SLC52A2: variants seen among roughly 807,000 people sequenced by gnomAD.
SLC52A2 encodes solute carrier family 52, riboflavin transporter, member 2.
Under a neutral mutation model 24.8 loss-of-function variants are expected in SLC52A2, and 16 were observed. The ratio of observed to expected loss-of-function variants is 0.64; its 90% CI spans 0.44 to 0.98. The LOEUF is 0.98. Ranked by LOEUF, SLC52A2 falls within the 50% of genes least tolerant of loss-of-function variation. The probability of loss-of-function intolerance (pLI) is 0.00; values close to 1 mark genes in which losing one functional copy is unlikely to be tolerated. For missense variants in SLC52A2, 612 were observed against 575.9 expected (o/e 1.06, Z -0.64); for synonymous variants, 335 against 276.3 (o/e 1.21, Z -2.11).
rs373392657 is a variant in SLC52A2 at position 144,359,474 on chromosome 8, G to C, written c.130+51G>C. On this transcript the variant is annotated intron_variant, in intron 2 of 4. Transcript: ENST00000643944. ...GCCCAAGACTCCTGGGCTGCGGTCA[G>C]TGGGATCTGGGTGGAGCTACCTGTG... The C allele has an allele frequency of 2.5e-6, 4 of 1,612,844 alleles. No individual in the cohort carries two copies. In the African/African-American group the frequency reaches 5.3e-5, roughly 22 times the overall value.
Position 144,360,732 on chromosome 8 carries a change from G to A in SLC52A2, c.1125+19G>A, listed in dbSNP as rs1554854520. ...CCTCGTGGTGAGCACAGGGGGACAT[G>A]AAGTGGGGTGGGGGGGCGTTGCCCT... On this transcript the variant is annotated intron_variant, in intron 4 of 4. Coordinates refer to ENST00000643944, the MANE Select transcript of SLC52A2 (RefSeq NM_001363118.2). 2 of 1,597,534 alleles carry A rather than the reference G, an allele frequency of 1.3e-6. No individual in the cohort carries two copies. The highest frequency in any genetic ancestry group is 2.2e-5 in the South Asian group (2 of 90,272).
In SLC52A2 at chr8:144,359,863, C is replaced by T. The variant is rs200753132; in HGVS notation, c.371C>T (p.Ala124Val). Residue 124 changes from alanine (A) to valine (V), a missense_variant, in exon 3 of 5, where the codon GCA becomes GTA. Ala to Val is a moderately conservative substitution (Grantham distance 64, BLOSUM62 0). Coordinates refer to ENST00000643944, the MANE Select transcript of SLC52A2 (RefSeq NM_001363118.2). ...GCACTGGCCTTTGTGCTGGCACTGG[C>T]ATGCTGTGCCTCGAATGTCACTTTC... ...FLALAFVLALACCASNVTFLP... is the reference protein window; with the variant it reads ...FLALAFVLALVCCASNVTFLP... 5.6e-6 allele frequency: 9 copies of T among 1,613,760 alleles called. No homozygotes were observed. In the Admixed American group the frequency reaches 1.0e-4, roughly 18 times the overall value.
intron 3 of SLC52A2, 45 bp from the exon 4 acceptor site, chr8:144,360,545 A>T (rs1818804935): frequency 2.5e-6 from 4 of 1,580,922 alleles, no homozygotes; most frequent in Non-Finnish European, 3.4e-6. Flanking sequence ...GCTAGGAGCC[A>T]GGTCCTGGCG....
rs1554853706 is a variant in SLC52A2 at position 144,359,249 on chromosome 8, G to C, written c.-45G>C. On this transcript the variant is annotated 5_prime_UTR_variant, in exon 2 of 5. Transcript: ENST00000643944. ...CTGGCCCTAGGTGGGAAAAGAACTG[G>C]CTGTGACCTTTGCCCTGACCTGGAA... is the stretch of plus-strand genomic sequence containing the variant. 1 of 1,577,382 alleles carries C rather than the reference G, an allele frequency of 6.3e-7. No individual in the cohort carries two copies. Among genetic ancestry groups the C allele is most frequent in the South Asian group, 1.2e-5 (1 of 84,990 alleles).
Position 144,359,797 on chromosome 8 carries a change from T to C in SLC52A2, c.305T>C (p.Val102Ala). 6.2e-7 allele frequency: 1 copy of C among 1,613,730 alleles called. No homozygotes were observed. The change falls in exon 3 of 5, where the codon GTG (valine) becomes GCG (alanine). Residue 102 changes from valine to alanine, a missense_variant. Physicochemically the swap from Val to Ala is moderately conservative, Grantham distance 64. Transcript: ENST00000643944. ...TALLASLWHHVAPVAGQLHSV... is the reference protein window; with the variant it reads ...TALLASLWHHAAPVAGQLHSV... ...CTGCTGGCCTCTCTGTGGCACCATG[T>C]GGCCCCAGTGGCAGGACAGTTGCAT...
rs1554853885 is a variant in SLC52A2 at position 144,359,738 on chromosome 8, G to A, written c.246G>A (p.Arg82=). 31 of 1,613,494 alleles carry A rather than the reference G, an allele frequency of 1.9e-5. No homozygotes were observed. The highest frequency in any genetic ancestry group is 2.5e-5 in the Non-Finnish European group (30 of 1,180,028). Residue 82 remains arginine, a synonymous_variant, in exon 3 of 5, where the codon CGG becomes CGA. Coordinates refer to ENST00000643944, the MANE Select transcript of SLC52A2 (RefSeq NM_001363118.2). ...APGKDEQVPI[R]VVQVLGMVGT... is the part of the protein sequence containing the mutation. ...GAAAGGACGAGCAGGTCCCCATCCG[G>A]GTGGTGCAGGTGCTGGGCATGGTGG...
chr8:144,360,971 G>A lies in SLC52A2; in HGVS notation c.1294G>A (p.Val432Met), dbSNP rs202178971. 17 of 1,613,534 alleles carry A rather than the reference G, an allele frequency of 1.1e-5. No individual in the cohort carries two copies. The East Asian group carries it at 1.1e-4, about 11-fold the overall frequency. ...GTTCCCCCCGACCAGCATCTATCAC[G>A]TGTTCCACAGCAGAAAGGACTGTGC... is the stretch of plus-strand genomic sequence containing the variant. ...AMFPPTSIYHVFHSRKDCADP... is the reference protein window; with the variant it reads ...AMFPPTSIYHMFHSRKDCADP... The change falls in exon 5 of 5, where the codon GTG becomes ATG. Residue 432 changes from valine to methionine, a missense_variant. Coordinates refer to ENST00000643944, the MANE Select transcript of SLC52A2 (RefSeq NM_001363118.2).
rs398123068 is a variant in SLC52A2 at position 144,360,406 on chromosome 8, A to G, written c.914A>G (p.Tyr305Cys). 1.2e-5 allele frequency: 20 copies of G among 1,607,238 alleles called. No homozygotes were observed. The highest frequency in any genetic ancestry group is 1.7e-5 in the Non-Finnish European group (20 of 1,179,952). Reference protein sequence around the residue: ...PAVQSFSCLPYGRLAYHLAVV... With the variant: ...PAVQSFSCLPCGRLAYHLAVV... ...GTGCAGAGCTTTTCCTGCTTACCCT[A>G]CGGGCGTCTGGCCTACCACCTGGCT... The change falls in exon 3 of 5, where the codon TAC becomes TGC. Residue 305 changes from tyrosine (Y) to cysteine (C), a missense_variant. Tyr to Cys is a radical substitution (Grantham distance 194). Transcript: ENST00000643944.
At position 144,359,029 on chromosome 8, in the gene SLC52A2, G is replaced by A. The variant is rs1818631236; in HGVS notation, c.-147G>A. The A allele has an allele frequency of 4.8e-6, 2 of 418,256 alleles. No individual in the cohort carries two copies. Among genetic ancestry groups the A allele is most frequent in the Non-Finnish European group, 8.4e-6 (2 of 238,382 alleles). The allele number at this position is 418,256 out of a possible 1,614,324, so 25.9% of individuals were successfully genotyped here. On this transcript the variant is annotated 5_prime_UTR_variant, in exon 1 of 5. Coordinates refer to ENST00000643944, the MANE Select transcript of SLC52A2 (RefSeq NM_001363118.2). ...CCCTGGGGCCGCAGCGACTCGGGCCGGCTTCCTGCTTCCCTGCCTGCCGGC... is the reference window on the plus strand; with the variant it reads ...CCCTGGGGCCGCAGCGACTCGGGCCAGCTTCCTGCTTCCCTGCCTGCCGGC...
chr8:144,359,069 C>T lies in SLC52A2; in HGVS notation c.-111+4C>T. The T allele has an allele frequency of 1.7e-6, 1 of 574,322 alleles. No individual in the cohort carries two copies. Among genetic ancestry groups the T allele is most frequent in the Middle Eastern group, 4.7e-4 (1 of 2,146 alleles). 35.6% of individuals were successfully genotyped at this position (574,322 alleles called of 1,614,324 possible). A position where few individuals can be genotyped will look rare whatever the true frequency, so the allele number is the denominator to read the frequency against. ...TGCCTGCCGGCGGTCCCGCTGGGTA[C>T]GTTTTAGCCAATCCTCCCCATCTGC... On this transcript the variant is annotated splice_donor_region_variant and intron_variant, in intron 1 of 4. Transcript: ENST00000643944.
In SLC52A2 at chr8:144,359,165, T is replaced by G; in HGVS notation, c.-110-19T>G. 4.3e-6 allele frequency: 6 copies of G among 1,395,482 alleles called. No individual in the cohort carries two copies. The highest frequency in any genetic ancestry group is 5.8e-6 in the Non-Finnish European group (6 of 1,039,146). 86.4% of individuals were successfully genotyped at this position (1,395,482 alleles called of 1,614,324 possible). A position where few individuals can be genotyped will look rare whatever the true frequency, so the allele number is the denominator to read the frequency against. On this transcript the variant is annotated intron_variant, in intron 1 of 4. Coordinates refer to ENST00000643944, the MANE Select transcript of SLC52A2 (RefSeq NM_001363118.2). Reference sequence around the variant, plus strand: ...TGACTCCGGCTCTGCATCCTATCTGTTTCTCTGTTTCTTTCAAGCTAGAAG... The same window carrying G: ...TGACTCCGGCTCTGCATCCTATCTGGTTCTCTGTTTCTTTCAAGCTAGAAG...
chr8:144,359,518 G>A (rs1554853802), intron 2 of SLC52A2, 95 bp downstream of exon 2: 1 of 1,611,906 alleles, frequency 6.2e-7, no homozygotes, highest in African/African-American at 1.3e-5. Context: ...AGAGCTTCCA[G>A]AGGGTGAGTG....
In SLC52A2 at chr8:144,359,846, C is replaced by G; in HGVS notation, c.354C>G (p.Ala118=). Residue 118 remains alanine (A), a synonymous_variant, in exon 3 of 5, where the codon GCC becomes GCG. Coordinates refer to ENST00000643944, the MANE Select transcript of SLC52A2 (RefSeq NM_001363118.2). ...QLHSVAFLAL[A]FVLALACCAS... is the part of the protein sequence containing the mutation. ...ATTCTGTGGCCTTCTTAGCACTGGC[C>G]TTTGTGCTGGCACTGGCATGCTGTG... is the stretch of plus-strand genomic sequence containing the variant. The G allele has an allele frequency of 6.2e-7, 1 of 1,613,694 alleles. No individual in the cohort carries two copies. Among genetic ancestry groups the G allele is most frequent in the Non-Finnish European group, 8.5e-7 (1 of 1,180,014 alleles).
Position 144,360,695 on chromosome 8 carries a change from G to A in SLC52A2, c.1107G>A (p.Ser369=), listed in dbSNP as rs1279173611. 7 of 1,603,676 alleles carry A rather than the reference G, an allele frequency of 4.4e-6. No homozygotes were observed. The highest frequency in any genetic ancestry group is 2.2e-5 in the East Asian group (1 of 44,826). Residue 369 remains serine, a synonymous_variant, in exon 4 of 5, where the codon TCG becomes TCA. Transcript: ENST00000643944. The part of the protein sequence containing the change: ...LSPCPPLVGT[S]AGVVLVVLSW... Reference sequence around the variant, plus strand: ...CCTGCCCGCCCCTGGTGGGCACCTCGGCGGGGGTGGTCCTCGTGGTGAGCA... The same window carrying A: ...CCTGCCCGCCCCTGGTGGGCACCTCAGCGGGGGTGGTCCTCGTGGTGAGCA...
At position 144,360,201 on chromosome 8, in the gene SLC52A2, G is replaced by C. The variant is rs373923619; in HGVS notation, c.709G>C (p.Ala237Pro). Residue 237 changes from alanine to proline, a missense_variant, in exon 3 of 5, where the codon GCC becomes CCC. Coordinates refer to ENST00000643944, the MANE Select transcript of SLC52A2 (RefSeq NM_001363118.2). Reference protein sequence around the residue: ...GELGSGLQVGAPGAEEEVEES... With the variant: ...GELGSGLQVGPPGAEEEVEES... ...GTTAGGATCAGGCCTCCAGGTGGGA[G>C]CCCCAGGAGCAGAGGAAGAGGTGGA... 17 of 1,612,668 alleles carry C rather than the reference G, an allele frequency of 1.1e-5. No individual in the cohort carries two copies. The African/African-American group carries it at 2.3e-4, about 22-fold the overall frequency.
Position 144,361,249 on chromosome 8 carries a change from G to C in SLC52A2, c.*234G>C. ...TGAGCCTGGGACCTACATGTGGTTT[G>C]CGTAATAAAACATTTGTATTTAATG... On this transcript the variant is annotated 3_prime_UTR_variant, in exon 5 of 5. Coordinates refer to ENST00000643944, the MANE Select transcript of SLC52A2 (RefSeq NM_001363118.2). 1.8e-6 allele frequency: 1 copy of C among 546,790 alleles called. No individual in the cohort carries two copies. Among genetic ancestry groups the C allele is most frequent in the Non-Finnish European group, 3.2e-6 (1 of 307,706 alleles). The allele number at this position is 546,790 out of a possible 1,614,324, so 33.9% of individuals were successfully genotyped here.
At position 144,360,497 on chromosome 8, in the gene SLC52A2, C is replaced by T. The variant is rs1818799166; in HGVS notation, c.1001+4C>T. ...TGGCCATGGGTGTGCTGTGCAGGTA[C>T]ACAAGGACCCCCAGCCCCTGTGCGG... On this transcript the variant is annotated splice_donor_region_variant and intron_variant, in intron 3 of 4. Coordinates refer to ENST00000643944, the MANE Select transcript of SLC52A2 (RefSeq NM_001363118.2). 3 of 1,592,770 alleles carry T rather than the reference C, an allele frequency of 1.9e-6. No homozygotes were observed. Among genetic ancestry groups the T allele is most frequent in the South Asian group, 1.1e-5 (1 of 90,592 alleles).
At position 144,360,287 on chromosome 8, in the gene SLC52A2, C is replaced by T; in HGVS notation, c.795C>T (p.Asp265=). The T allele has an allele frequency of 1.2e-6, 2 of 1,611,804 alleles. No individual in the cohort carries two copies. Among genetic ancestry groups the T allele is most frequent in the South Asian group, 1.1e-5 (1 of 91,088 alleles). ...CAGCAGGCACCACCCCTGGTCCAGA[C>T]CCTAAGGCCTATCAGCTTCTATCAG... ...SQAAGTTPGP[D]PKAYQLLSAR... is the part of the protein sequence containing the mutation. The change falls in exon 3 of 5, where the codon GAC becomes GAT. Residue 265 remains aspartate (D), a synonymous_variant. Transcript: ENST00000643944.
rs1554854338 is a variant in SLC52A2, at chr8:144,360,459, C to T, written c.967C>T (p.Leu323=). Residue 323 remains leucine, a synonymous_variant, in exon 3 of 5, where the codon CTG becomes TTG. Coordinates refer to ENST00000643944, the MANE Select transcript of SLC52A2 (RefSeq NM_001363118.2). ...GGTGCTGGGCAGTGCTGCCAATCCC[C>T]TGGCCTGCTTCCTGGCCATGGGTGT... ...AVVLGSAANP[L]ACFLAMGVLC... is the part of the protein sequence containing the mutation. 1.2e-6 allele frequency: 2 copies of T among 1,604,002 alleles called. No homozygotes were observed. Among genetic ancestry groups the T allele is most frequent in the East Asian group, 4.5e-5 (2 of 44,870 alleles).
Sources: allele counts gnomAD v4.1 joint callset, GRCh38; gene constraint gnomAD v4.1.1; transcripts MANE v1.5; gene names NCBI Gene and HGNC (gene_info 2026-07-23, HGNC 2026-07-21).